Variants in ELMO1 observed in about 807,000 individuals in gnomAD.
ELMO1 encodes engulfment and cell motility protein 1.
In ELMO1, 26 loss-of-function variants were observed where a neutral mutation model predicts 98.9. The ratio of observed to expected loss-of-function variants is 0.26; its 90% CI spans 0.19 to 0.36. The LOEUF (loss-of-function observed/expected upper bound fraction) is 0.36. Ranked by LOEUF, ELMO1 falls within the 10% of genes least tolerant of loss-of-function variation. The pLI is 1.00. For synonymous variants in ELMO1, 346 were observed against 346.0 expected (o/e 1.00, Z 0.00); for missense variants, 627 against 935.2 (o/e 0.67, Z 4.30).
intron 13 of ELMO1, among the ~76,000 whole-genome samples, chr7:37,188,486 G>GA (rs1791364025): frequency 7.0e-5 from 3 of 42,894 alleles, no homozygotes; most frequent in African/African-American, 3.1e-4. Context: ...CTGGAGAAAG[G>GA]TAAAAAAAAA....
chr7:37,388,444 TACC>T (rs911466012), intron 1 of ELMO1, among the ~76,000 whole-genome samples: 2 of 151,796 alleles, frequency 1.3e-5, no homozygotes, highest in African/African-American at 4.8e-5. Context: ...TATAATCATG[TACC>T]ACCACATTTC....
chr7:36,960,605 C>A (rs145810620), intron 16 of ELMO1, among the ~76,000 whole-genome samples: 19 of 152,110 alleles, frequency 1.2e-4, no homozygotes, highest in Non-Finnish European at 2.4e-4. Flanking sequence ...CCCATCCCCC[C>A]CACTCACTCA....
chr7:37,334,653 T>A (rs1402974107), intron 2 of ELMO1, among the ~76,000 whole-genome samples: 1 of 152,200 alleles, frequency 6.6e-6, no homozygotes, highest in Non-Finnish European at 1.5e-5. Flanking sequence ...CCACATAGTG[T>A]GTGGTGCTTG....
At chr7:37,041,628 C>T (rs6950160) in intron 15 of ELMO1, among the ~76,000 whole-genome samples, 6,581 of 151,986 alleles carry the variant, frequency 0.043, 426 homozygotes, top group African/African-American at 0.14. Context: ...TTATCACATA[C>T]GTGTAAAATA....
intron 1 of ELMO1, among the ~76,000 whole-genome samples, chr7:37,359,171 G>T (rs1461755852): frequency 6.6e-6 from 1 of 152,248 alleles, no homozygotes; most frequent in African/African-American, 2.4e-5. Flanking sequence ...CAAGCCGTCA[G>T]TGCCAAATAC....
intron 4 of ELMO1, among the ~76,000 whole-genome samples, chr7:37,275,265 A>G (rs1003789851): frequency 2.0e-5 from 3 of 152,204 alleles, no homozygotes; most frequent in Non-Finnish European, 4.4e-5. Context: ...GCCACACCCA[A>G]GGTGATGTAC....
chr7:36,984,051 T>C (rs977595157), intron 16 of ELMO1, among the ~76,000 whole-genome samples: 3 of 151,942 alleles, frequency 2.0e-5, no homozygotes, highest in African/African-American at 7.3e-5. Flanking sequence ...GTGCCAGCAC[T>C]TCGCTCATGT....
intron 6 of ELMO1, among the ~76,000 whole-genome samples, chr7:37,245,484 A>G (rs1003469434): frequency 2.0e-5 from 3 of 152,226 alleles, no homozygotes; most frequent in African/African-American, 7.2e-5. Flanking sequence ...AGTCTCTGGT[A>G]AAATTTGTGG....
chr7:37,078,911 A>C (rs1198026148), intron 15 of ELMO1, among the ~76,000 whole-genome samples: 2 of 152,086 alleles, frequency 1.3e-5, no homozygotes, highest in Non-Finnish European at 2.9e-5. Flanking sequence ...ATTAATGCCC[A>C]AAAAGCGTAC....
chr7:37,018,375 C>T (rs1794073123), intron 15 of ELMO1, among the ~76,000 whole-genome samples: 1 of 152,090 alleles, frequency 6.6e-6, no homozygotes, highest in Non-Finnish European at 1.5e-5. Flanking sequence ...ATCTGCCCGC[C>T]TCACCCTCCC....
intron 15 of ELMO1, among the ~76,000 whole-genome samples, chr7:37,052,358 C>T (rs1274586098): frequency 4.6e-5 from 7 of 152,200 alleles, no homozygotes; most frequent in Admixed American, 4.6e-4. Context: ...GAACTGCTAT[C>T]TCCAGCCATC....
In ELMO1 at chr7:37,121,781, C is replaced by T. The variant is rs562370157; in HGVS notation, c.1191+11349G>A. Among the ~76,000 whole-genome samples, 219 of 152,226 alleles carry T rather than the reference C, an allele frequency of 1.4e-3. 1 individual carries two copies. Among genetic ancestry groups the T allele is most frequent in the Middle Eastern group, 3.4e-3 (1 of 294 alleles). ...AATTCAGGAAATACAGAGAACGCCA[C>T]AAAGATACTCCTCGAGAAGAGCAAC... On this transcript the variant is annotated intron_variant, in intron 14 of 21. Transcript: ENST00000310758.
Position 37,173,608 on chromosome 7 carries a change from C to T in ELMO1, c.1086+37778G>A, listed in dbSNP as rs559310856. Among the ~76,000 whole-genome samples the T allele has an allele frequency of 5.4e-4, 83 of 152,348 alleles. 3 individuals are homozygous for T. In the Middle Eastern group the frequency reaches 0.044, roughly 81 times the overall value. Reference sequence around the variant, plus strand: ...GGGGTTTCAGCACAGTCCAAGTTTTCCCTCTCTCTGACCTTCTCCTCCAGC... The same window carrying T: ...GGGGTTTCAGCACAGTCCAAGTTTTTCCTCTCTCTGACCTTCTCCTCCAGC... On this transcript the variant is annotated intron_variant, in intron 13 of 21. Transcript: ENST00000310758.
At chr7:36,969,808 A>T (rs550362024) in intron 16 of ELMO1, among the ~76,000 whole-genome samples, 1 of 152,280 alleles carries the variant, frequency 6.6e-6, no homozygotes, top group Non-Finnish European at 1.5e-5. Flanking sequence ...TTCCAAAACA[A>T]ACTCTAAATA....
intron 16 of ELMO1, among the ~76,000 whole-genome samples, chr7:36,987,484 G>A (rs910564313): frequency 6.6e-6 from 1 of 152,130 alleles, no homozygotes; most frequent in Non-Finnish European, 1.5e-5. Flanking sequence ...ATTACTCTCT[G>A]CCCTATCGTC....
At chr7:36,951,511 G>C (rs540988859) in intron 16 of ELMO1, among the ~76,000 whole-genome samples, 1 of 152,258 alleles carries the variant, frequency 6.6e-6, no homozygotes, top group Non-Finnish European at 1.5e-5. Context: ...TCAATCTAGG[G>C]TGGCCACTGG....
intron 14 of ELMO1, among the ~76,000 whole-genome samples, chr7:37,105,078 T>C (rs778867686): frequency 1.3e-5 from 2 of 152,220 alleles, no homozygotes; most frequent in Non-Finnish European, 2.9e-5. Context: ...AGACCTCAAA[T>C]TGAACATTAA....
rs1241487434 is a variant in ELMO1, at chr7:37,143,137, G to C, written c.1087-9903C>G. ...CACCAGGCATTGCGCAAAGTGTCTT[G>C]CATATGGAGCTCTTAATCCTCACAA... On this transcript the variant is annotated intron_variant, in intron 13 of 21. Transcript: ENST00000310758. 3.3e-5 allele frequency among the ~76,000 whole-genome samples: 5 copies of C among 152,324 alleles called. No homozygotes were observed. The East Asian group carries it at 7.7e-4, about 24-fold the overall frequency.
At chr7:37,012,324 C>T (rs893441069) in intron 16 of ELMO1, among the ~76,000 whole-genome samples, 2 of 152,118 alleles carry the variant, frequency 1.3e-5, no homozygotes, top group African/African-American at 4.8e-5. Flanking sequence ...GAGGCAATGA[C>T]CAACAAGTAT....
Sources: allele counts gnomAD v4.1 joint callset (sites outside exome capture counted in the v4.1 genomes callset), GRCh38; gene constraint gnomAD v4.1.1; transcripts MANE v1.5; gene names NCBI Gene and HGNC (gene_info 2026-07-23, HGNC 2026-07-21).